The following SPATA6 variants were observed in gnomAD, a reference collection of about 807,000 sequenced individuals.
SPATA6 encodes the protein spermatogenesis-associated protein 6.
In SPATA6, 56 loss-of-function variants were observed where a neutral mutation model predicts 65.3. The observed-to-expected ratio is 0.86, with a 90% confidence interval of 0.69 to 1.07. SPATA6 has a LOEUF of 1.07. Ranked by LOEUF, SPATA6 falls within the 50% of genes least tolerant of loss-of-function variation. The probability of loss-of-function intolerance (pLI) is 0.00; values close to 1 mark genes in which losing one functional copy is unlikely to be tolerated. For synonymous variants in SPATA6, 199 were observed against 213.2 expected (o/e 0.93, Z 0.58); for missense variants, 590 against 594.8 (o/e 0.99, Z 0.08).
the SPATA6 span, among the ~76,000 whole-genome samples, chr1:48,264,888 T>C: frequency 6.6e-6 from 1 of 152,200 alleles, no homozygotes; most frequent in Non-Finnish European, 1.5e-5. Context: ...TACCCAGTAA[T>C]GGGATTGTTG....
chr1:48,356,848 A>G (rs1646675924), intron 10 of SPATA6, among the ~76,000 whole-genome samples: 1 of 152,146 alleles, frequency 6.6e-6, no homozygotes, highest in Admixed American at 6.6e-5. Flanking sequence ...ACTACTAAAC[A>G]GGATAAATGT....
chr1:48,296,238 G>T lies in SPATA6; in HGVS notation c.*2475C>A, dbSNP rs1284558382. On this transcript the variant is annotated 3_prime_UTR_variant, in exon 13 of 13. Transcript: ENST00000371847. ...GAAAAGACAACTATTAGTACTTAAA[G>T]GTTTTACTCTTTAAAAACAATACAG... 1.3e-5 allele frequency: 2 copies of T among 151,666 alleles called. No individual in the cohort carries two copies. The highest frequency in any genetic ancestry group is 2.9e-5 in the Non-Finnish European group (2 of 67,938). 9.4% of individuals were successfully genotyped at this position (151,666 alleles called of 1,614,324 possible).
Position 48,298,666 on chromosome 1 carries a change from C to A in SPATA6, c.*47G>T. ...AGATATTGATCACATCAAACATTTT[C>A]ATTGAGAAATTGACACGGACACTAA... On this transcript the variant is annotated 3_prime_UTR_variant, in exon 13 of 13. Coordinates refer to ENST00000371847, the MANE Select transcript of SPATA6 (RefSeq NM_019073.4). 1 of 1,531,094 alleles carries A rather than the reference C, an allele frequency of 6.5e-7. No individual in the cohort carries two copies. Among genetic ancestry groups the A allele is most frequent in the South Asian group, 1.3e-5 (1 of 76,040 alleles). 94.8% of individuals were successfully genotyped at this position (1,531,094 alleles called of 1,614,324 possible). A position where few individuals can be genotyped will look rare whatever the true frequency, so the allele number is the denominator to read the frequency against.
intron 11 of SPATA6, among the ~76,000 whole-genome samples, chr1:48,354,212 C>T (rs1395676730): frequency 6.6e-6 from 1 of 152,098 alleles, no homozygotes; most frequent in East Asian, 1.9e-4. Context: ...GAGGCATATG[C>T]ATGCACACAC....
chr1:48,348,916 C>G (rs1467475868), intron 11 of SPATA6, among the ~76,000 whole-genome samples: 2 of 151,920 alleles, frequency 1.3e-5, no homozygotes, highest in African/African-American at 4.8e-5. Context: ...CTGTCTTTAT[C>G]TACAGTTTAT....
intron 3 of SPATA6, among the ~76,000 whole-genome samples, chr1:48,415,073 G>A (rs1652629265): frequency 6.6e-6 from 1 of 152,154 alleles, no homozygotes; most frequent in Admixed American, 6.5e-5. Context: ...CAGGAATAGG[G>A]CACTGAAATG....
downstream of SPATA6, among the ~76,000 whole-genome samples, chr1:48,292,577 G>T (rs549120056): frequency 1.8e-4 from 28 of 152,346 alleles, no homozygotes; most frequent in African/African-American, 5.5e-4. Flanking sequence ...AGCAGCAGGT[G>T]TTTATGTGGT....
chr1:48,279,915 T>A, the SPATA6 span, among the ~76,000 whole-genome samples: 1 of 152,118 alleles, frequency 6.6e-6, no homozygotes, highest in Non-Finnish European at 1.5e-5. Flanking sequence ...ATTCCAAAAC[T>A]GACCACATAG....
At chr1:48,456,120 T>C (rs1030606885) in intron 1 of SPATA6, among the ~76,000 whole-genome samples, 2 of 151,930 alleles carry the variant, frequency 1.3e-5, no homozygotes, top group African/African-American at 4.8e-5. Context: ...TTTGAGAAAG[T>C]TGGAAGTGAA....
the SPATA6 span, among the ~76,000 whole-genome samples, chr1:48,284,076 T>C: frequency 6.6e-6 from 1 of 152,156 alleles, no homozygotes; most frequent in Non-Finnish European, 1.5e-5. Context: ...CAATCAAATG[T>C]AGGTTTGGTC....
intron 1 of SPATA6, among the ~76,000 whole-genome samples, chr1:48,470,594 G>A (rs1658164241): frequency 6.6e-6 from 1 of 152,108 alleles, no homozygotes; most frequent in Non-Finnish European, 1.5e-5. Flanking sequence ...CTCACACTCT[G>A]CCCCACGCAC....
At chr1:48,446,956 G>A (rs752134294) in intron 3 of SPATA6, among the ~76,000 whole-genome samples, 9 of 151,840 alleles carry the variant, frequency 5.9e-5, no homozygotes, top group South Asian at 2.1e-4. Flanking sequence ...ACTGAGACGC[G>A]AGACCAACCT....
chr1:48,322,544 G>T (rs1245831976), intron 11 of SPATA6, among the ~76,000 whole-genome samples: 1 of 152,140 alleles, frequency 6.6e-6, no homozygotes, highest in Non-Finnish European at 1.5e-5. Context: ...AAAAGCAATG[G>T]CAACAAAAGC....
intron 11 of SPATA6, among the ~76,000 whole-genome samples, chr1:48,308,650 CT>C (rs1445080212): frequency 6.6e-6 from 1 of 152,018 alleles, no homozygotes; most frequent in Non-Finnish European, 1.5e-5. Flanking sequence ...TAGTGATAAA[CT>C]TGGTTTTATT....
the SPATA6 span, among the ~76,000 whole-genome samples, chr1:48,267,186 A>G: frequency 6.6e-6 from 1 of 152,078 alleles, no homozygotes; most frequent in Non-Finnish European, 1.5e-5. Flanking sequence ...GCCCCTGCTC[A>G]TATCCCTAGG....
intron 9 of SPATA6, among the ~76,000 whole-genome samples, chr1:48,362,965 T>G (rs1646862316): frequency 6.6e-6 from 1 of 151,844 alleles, no homozygotes. Flanking sequence ...CCAAACAAAG[T>G]AGGAAACAAC....
intron 10 of SPATA6, among the ~76,000 whole-genome samples, chr1:48,358,604 T>C (rs987201884): frequency 6.6e-6 from 1 of 152,094 alleles, no homozygotes; most frequent in Non-Finnish European, 1.5e-5. Context: ...AGTCCCCTGA[T>C]ACTGAGATGC....
chr1:48,336,047 T>C (rs1187540915), intron 11 of SPATA6, among the ~76,000 whole-genome samples: 3 of 152,100 alleles, frequency 2.0e-5, no homozygotes, highest in Non-Finnish European at 2.9e-5. Context: ...ATATCACTAA[T>C]CATTAGAGAA....
chr1:48,277,419 T>C, the SPATA6 span, among the ~76,000 whole-genome samples: 2 of 152,206 alleles, frequency 1.3e-5, no homozygotes, highest in Non-Finnish European at 2.9e-5. Flanking sequence ...GAGTTCCCTT[T>C]CCTAGTCAAA....
Sources: gnomAD v4.1 joint callset for allele counts (sites outside exome capture counted in the v4.1 genomes callset) on GRCh38, gnomAD v4.1.1 for gene constraint, MANE v1.5 for transcripts, NCBI Gene and HGNC (gene_info 2026-07-23, HGNC 2026-07-21) for gene names.